RGS8: variants seen among roughly 807,000 people sequenced by gnomAD.
RGS8 encodes regulator of G-protein signaling 8.
In RGS8, 8 loss-of-function variants were observed where a neutral mutation model predicts 21.7. That is an observed-to-expected ratio of 0.37 (90% CI 0.22 to 0.66). RGS8 has a LOEUF of 0.66. RGS8 is among the 30% of genes least tolerant of loss of function. RGS8 has a pLI of 0.59. For synonymous variants in RGS8, 80 were observed against 83.6 expected (o/e 0.96, Z 0.24); for missense variants, 157 against 217.9 (o/e 0.72, Z 1.76).
chr1:182,720,961 ATGTGTG>A, the RGS8 span, among the ~76,000 whole-genome samples: 10 of 59,338 alleles, frequency 1.7e-4, no homozygotes, highest in African/African-American at 7.6e-4. Flanking sequence ...ATACATACAT[ATGTGTG>A]TATATATACA....
At chr1:182,747,188 C>A in the RGS8 span, among the ~76,000 whole-genome samples, 1 of 150,684 alleles carries the variant, frequency 6.6e-6, no homozygotes, top group African/African-American at 2.4e-5. Context: ...GCCTGAGCCA[C>A]CATTCCTGGC....
the RGS8 span, among the ~76,000 whole-genome samples, chr1:182,723,086 T>C: frequency 1.3e-5 from 2 of 152,172 alleles, no homozygotes. Flanking sequence ...CTTAACTAAT[T>C]ACATCTTCAA....
the RGS8 span, among the ~76,000 whole-genome samples, chr1:182,701,301 AT>A: frequency 6.6e-6 from 1 of 152,224 alleles, no homozygotes; most frequent in African/African-American, 2.4e-5. Context: ...TAGATATTAC[AT>A]GTATCCATGA....
chr1:182,748,753 C>T, the RGS8 span, among the ~76,000 whole-genome samples: 1 of 152,184 alleles, frequency 6.6e-6, no homozygotes, highest in African/African-American at 2.4e-5. Flanking sequence ...TCTCCACATC[C>T]TCCCCAGCAC....
intron 1 of RGS8, 33 bp from the exon 3 acceptor site, chr1:182,671,763 C>G: frequency 6.2e-7 from 1 of 1,613,568 alleles, no homozygotes; most frequent in Non-Finnish European, 8.5e-7. Flanking sequence ...TTTTAGCAGT[C>G]AAATCCTCGG....
At chr1:182,649,404 A>G (rs1662886444) in intron 5 of RGS8, among the ~76,000 whole-genome samples, 1 of 152,134 alleles carries the variant, frequency 6.6e-6, no homozygotes, top group South Asian at 2.1e-4. Context: ...TGTTACCTGG[A>G]CGGGGTTGCA....
At chr1:182,727,328 A>C in the RGS8 span, among the ~76,000 whole-genome samples, 1 of 152,238 alleles carries the variant, frequency 6.6e-6, no homozygotes, top group African/African-American at 2.4e-5. Flanking sequence ...AAATGAGTTA[A>C]TCTAGAAAGA....
intron 1 of RGS8, among the ~76,000 whole-genome samples, chr1:182,679,546 G>A (rs973416093): frequency 1.3e-5 from 2 of 151,858 alleles, no homozygotes; most frequent in African/African-American, 4.8e-5. Flanking sequence ...CACCTTGCAT[G>A]CTACTTGGGC....
chr1:182,700,486 A>G, the RGS8 span, among the ~76,000 whole-genome samples: 1 of 152,172 alleles, frequency 6.6e-6, no homozygotes, highest in Non-Finnish European at 1.5e-5. Flanking sequence ...TTTCAAGAGA[A>G]AGGAGGTGCC....
the RGS8 span, among the ~76,000 whole-genome samples, chr1:182,711,416 C>A: frequency 1.3e-5 from 2 of 152,198 alleles, no homozygotes; most frequent in East Asian, 3.8e-4. Context: ...CAGGTCCCAC[C>A]TCGTCAGCAA....
the RGS8 span, among the ~76,000 whole-genome samples, chr1:182,730,383 T>C: frequency 2.6e-5 from 4 of 152,144 alleles, no homozygotes; most frequent in Non-Finnish European, 5.9e-5. Flanking sequence ...GGCAATCACC[T>C]TTTCTAGCAG....
At chr1:182,711,770 A>G in the RGS8 span, among the ~76,000 whole-genome samples, 1 of 152,176 alleles carries the variant, frequency 6.6e-6, no homozygotes, top group Non-Finnish European at 1.5e-5. Flanking sequence ...GCTAAGTTCC[A>G]AAAATCTCCA....
In RGS8 at chr1:182,665,582, C is replaced by T. The variant is rs573220976; in HGVS notation, c.193+387G>A. 9.2e-5 allele frequency among the ~76,000 whole-genome samples: 14 copies of T among 152,278 alleles called. No homozygotes were observed. In the South Asian group the frequency reaches 2.9e-3, roughly 32 times the overall value. ...AAATATTCATTTGACTGATGCATAG[C>T]CCAAGACTCTCCCATAATTTGCGGG... is the stretch of plus-strand genomic sequence containing the variant. On this transcript the variant is annotated intron_variant, in intron 5 of 6. Transcript: ENST00000483095.
the RGS8 span, among the ~76,000 whole-genome samples, chr1:182,751,411 A>G: frequency 6.6e-6 from 1 of 152,222 alleles, no homozygotes; most frequent in Non-Finnish European, 1.5e-5. Flanking sequence ...GGTGTCAGGT[A>G]CCAGGGTCAT....
At chr1:182,717,576 A>G in the RGS8 span, among the ~76,000 whole-genome samples, 1 of 152,220 alleles carries the variant, frequency 6.6e-6, no homozygotes, top group Non-Finnish European at 1.5e-5. Flanking sequence ...CTGGTGTTTC[A>G]GAGTCTCAGC....
chr1:182,704,507 T>C, the RGS8 span, among the ~76,000 whole-genome samples: 2,243 of 152,166 alleles, frequency 0.015, 25 homozygotes, highest in Middle Eastern at 0.034. Context: ...TGTGCCAGTT[T>C]GGAAAAAAGC....
At chr1:182,705,292 G>C in the RGS8 span, among the ~76,000 whole-genome samples, 2 of 152,220 alleles carry the variant, frequency 1.3e-5, no homozygotes, top group Non-Finnish European at 2.9e-5. Context: ...GCAGAAGACA[G>C]ATGCCTCAGC....
chr1:182,655,601 C>A (rs1039321414), intron 5 of RGS8, among the ~76,000 whole-genome samples: 4 of 152,286 alleles, frequency 2.6e-5, no homozygotes, highest in South Asian at 2.1e-4. Flanking sequence ...CCAGTTCTGA[C>A]CAAAATCAGC....
At chr1:182,750,796 CTAGACTCTAGATACTAGACTAGATACTA>C in the RGS8 span, among the ~76,000 whole-genome samples, 2 of 151,796 alleles carry the variant, frequency 1.3e-5, no homozygotes, top group South Asian at 4.2e-4. Context: ...TAGATACTAT[CTAGACTCTAGATACTAGACTAGATACTA>C]TCTAGACTCT....
Sources: gnomAD v4.1 joint callset for allele counts (sites outside exome capture counted in the v4.1 genomes callset) on GRCh38, gnomAD v4.1.1 for gene constraint, MANE v1.5 for transcripts, NCBI Gene and HGNC (gene_info 2026-07-23, HGNC 2026-07-21) for gene names.